CSMD1: variants seen among roughly 807,000 people sequenced by gnomAD.
CSMD1 encodes CUB and Sushi multiple domains 1.
In CSMD1, 213 loss-of-function variants were observed where a neutral mutation model predicts 417.5. The ratio of observed to expected loss-of-function variants is 0.51; its 90% CI spans 0.46 to 0.57. CSMD1 has a LOEUF of 0.57. Ranked by LOEUF, CSMD1 falls within the 20% of genes least tolerant of loss-of-function variation. The probability of loss-of-function intolerance (pLI) is 0.00; values close to 1 mark genes in which losing one functional copy is unlikely to be tolerated. For missense variants in CSMD1, 6,923 were observed against 4,529.7 expected, an observed-to-expected ratio of 1.53 and a Z score of -15.17; for synonymous variants, 2,862 against 1,736.8, an observed-to-expected ratio of 1.65 and a Z score of -16.11.
intron 5 of CSMD1, among the ~76,000 whole-genome samples, chr8:3,982,199 A>AAATAATAATAATAAT (rs1310971969): frequency 7.0e-6 from 1 of 142,436 alleles, no homozygotes; most frequent in Non-Finnish European, 1.5e-5. Context: ...ATATTAATAA[A>AAATAATAATAATAAT]AAAAATAATA....
intron 5 of CSMD1, among the ~76,000 whole-genome samples, chr8:3,940,716 T>C (rs1810822404): frequency 1.3e-5 from 2 of 152,154 alleles, no homozygotes; most frequent in South Asian, 2.1e-4. Flanking sequence ...ACAAATTTCA[T>C]ACTAGCATTC....
At chr8:4,276,790 T>G (rs1037296146) in intron 3 of CSMD1, among the ~76,000 whole-genome samples, 5 of 152,020 alleles carry the variant, frequency 3.3e-5, no homozygotes, top group African/African-American at 1.2e-4. Flanking sequence ...GAAAGAAAAA[T>G]AGAACAGTGG....
chr8:4,925,438 T>A (rs1644763901), intron 1 of CSMD1, among the ~76,000 whole-genome samples: 1 of 152,094 alleles, frequency 6.6e-6, no homozygotes, highest in Admixed American at 6.5e-5. Flanking sequence ...CAGAACTTAC[T>A]GTTAATCATT....
chr8:3,832,696 T>C (rs936744175), intron 5 of CSMD1, among the ~76,000 whole-genome samples: 1 of 152,190 alleles, frequency 6.6e-6, no homozygotes, highest in African/African-American at 2.4e-5. Flanking sequence ...TTCATGACTG[T>C]ATTTCAGAAC....
At chr8:3,185,110 G>A in intron 36 of CSMD1, among the ~76,000 whole-genome samples, 1 of 152,238 alleles carries the variant, frequency 6.6e-6, no homozygotes. Context: ...TTTATAGCCA[G>A]TTGGTCAGAG....
At chr8:4,137,520 T>C (rs535091115) in intron 3 of CSMD1, among the ~76,000 whole-genome samples, 1 of 132,170 alleles carries the variant, frequency 7.6e-6, no homozygotes, top group African/African-American at 2.5e-5. Context: ...AATATTATGG[T>C]AGTGTTTAAT....
intron 5 of CSMD1, among the ~76,000 whole-genome samples, chr8:3,930,209 T>A (rs1810044001): frequency 6.7e-6 from 1 of 150,224 alleles, no homozygotes; most frequent in Non-Finnish European, 1.5e-5. Flanking sequence ...GATGATTCTA[T>A]ACGTGACAAG....
At chr8:3,330,201 A>G (rs1317693237) in intron 23 of CSMD1, among the ~76,000 whole-genome samples, 1 of 152,142 alleles carries the variant, frequency 6.6e-6, no homozygotes, top group Admixed American at 6.5e-5. Context: ...TCTTCATTTC[A>G]TTTTCTTAGA....
intron 3 of CSMD1, among the ~76,000 whole-genome samples, chr8:4,258,303 G>A (rs1042154477): frequency 8.7e-6 from 1 of 114,672 alleles, no homozygotes; most frequent in Admixed American, 9.5e-5. Flanking sequence ...AAGGGAGAAA[G>A]AGAGTGAGGG....
chr8:3,546,723 G>A (rs889264724), intron 10 of CSMD1, among the ~76,000 whole-genome samples: 25 of 152,282 alleles, frequency 1.6e-4, no homozygotes, highest in Middle Eastern at 3.4e-3. Context: ...AATTACTGAA[G>A]ATAAAAGGAG....
intron 1 of CSMD1, among the ~76,000 whole-genome samples, chr8:4,721,880 A>C (rs1307503885): frequency 2.6e-5 from 4 of 152,326 alleles, no homozygotes; most frequent in African/African-American, 9.6e-5. Context: ...GAAAACATGG[A>C]TGAAACTGAA....
At chr8:4,070,323 C>G (rs1436640229) in intron 3 of CSMD1, among the ~76,000 whole-genome samples, 3 of 152,174 alleles carry the variant, frequency 2.0e-5, no homozygotes, top group Non-Finnish European at 4.4e-5. Context: ...TAAAGAAACT[C>G]AGAGAAAATG....
At position 4,658,703 on chromosome 8, in the gene CSMD1, A is replaced by G. The variant is rs191234815; in HGVS notation, c.86-21145T>C. ...CTACAATCAAAGTCATTATACTGGT[A>G]AATATAAAAGTCACTATTCTTATAC... On this transcript the variant is annotated intron_variant, in intron 1 of 69. Coordinates refer to ENST00000635120, the MANE Select transcript of CSMD1 (RefSeq NM_033225.6). Among the ~76,000 whole-genome samples the G allele has an allele frequency of 5.5e-3, 831 of 152,272 alleles. 14 individuals carry two copies. The highest frequency in any genetic ancestry group is 7.6e-3 in the Non-Finnish European group (520 of 67,996).
intron 5 of CSMD1, among the ~76,000 whole-genome samples, chr8:3,956,233 T>G (rs988434600): frequency 3.4e-5 from 5 of 147,946 alleles, no homozygotes; most frequent in Admixed American, 6.6e-5. Context: ...CCAGGTGGTG[T>G]TGTTAACTTT....
chr8:3,806,482 T>G (rs1372833283), intron 5 of CSMD1, among the ~76,000 whole-genome samples: 1 of 151,966 alleles, frequency 6.6e-6, no homozygotes, highest in Non-Finnish European at 1.5e-5. Flanking sequence ...TATAACTGAG[T>G]CTCCAAAAGA....
At chr8:4,933,657 G>T (rs1427729813) in intron 1 of CSMD1, among the ~76,000 whole-genome samples, 1 of 152,030 alleles carries the variant, frequency 6.6e-6, no homozygotes, top group Non-Finnish European at 1.5e-5. Context: ...TCAAATAAAT[G>T]GATAGATGAA....
chr8:3,327,429 G>A (rs559035578), intron 23 of CSMD1, among the ~76,000 whole-genome samples: 86 of 152,204 alleles, frequency 5.7e-4, no homozygotes, highest in African/African-American at 2.1e-3. Flanking sequence ...CACCTCGTCC[G>A]GCCTACAATA....
intron 3 of CSMD1, among the ~76,000 whole-genome samples, chr8:4,196,985 A>G (rs906031426): frequency 3.3e-5 from 5 of 152,258 alleles, no homozygotes; most frequent in African/African-American, 9.6e-5. Context: ...GCCCCTCACA[A>G]TATCTATTCT....
intron 47 of CSMD1, among the ~76,000 whole-genome samples, chr8:3,092,515 C>T (rs12544099): frequency 0.014 from 2,071 of 152,270 alleles, 25 homozygotes; most frequent in Non-Finnish European, 0.018. Flanking sequence ...ATGGGTGAAG[C>T]TTCTAAATTT....
Sources: allele counts gnomAD v4.1 joint callset (sites outside exome capture counted in the v4.1 genomes callset), GRCh38; gene constraint gnomAD v4.1.1; transcripts MANE v1.5; gene names NCBI Gene and HGNC (gene_info 2026-07-23, HGNC 2026-07-21).